Variants in IGSF21 observed in about 807,000 individuals in gnomAD.
IGSF21 encodes the protein immunoglobulin superfamily member 21.
IGSF21 carries 28 observed loss-of-function variants against 46.8 expected under a neutral mutation model. The observed-to-expected ratio is 0.60, with a 90% CI of 0.44 to 0.82. The LOEUF (loss-of-function observed/expected upper bound fraction) is 0.82, where lower values mean the gene tolerates loss of function less well. Among genes scored for constraint, IGSF21 ranks in the 40% least tolerant of loss-of-function variants. The pLI is 0.00. For missense variants in IGSF21, 624 were observed against 665.5 expected, an observed-to-expected ratio of 0.94 and a Z score of 0.69; for synonymous variants, 284 against 273.6, an observed-to-expected ratio of 1.04 and a Z score of -0.38.
intron 1 of IGSF21, among the ~76,000 whole-genome samples, chr1:18,138,243 A>C (rs1052250652): frequency 6.6e-6 from 1 of 152,160 alleles, no homozygotes; most frequent in African/African-American, 2.4e-5. Flanking sequence ...CATCGAGGAA[A>C]TATAATAATC....
chr1:18,298,119 T>G (rs1438080992), intron 3 of IGSF21, among the ~76,000 whole-genome samples: 1 of 152,082 alleles, frequency 6.6e-6, no homozygotes, highest in Admixed American at 6.5e-5. Flanking sequence ...ATCTGGGAGC[T>G]GACAGAGGGC....
At chr1:18,183,005 G>T (rs1222806023) in intron 1 of IGSF21, among the ~76,000 whole-genome samples, 1 of 152,174 alleles carries the variant, frequency 6.6e-6, no homozygotes, top group Admixed American at 6.5e-5. Flanking sequence ...GCTGCAAACT[G>T]GCTGCCCAGG....
intron 1 of IGSF21, among the ~76,000 whole-genome samples, chr1:18,184,723 A>G (rs1033805811): frequency 2.0e-5 from 3 of 152,036 alleles, no homozygotes; most frequent in African/African-American, 7.2e-5. Context: ...TGGGTGGTTG[A>G]TGACGTGCAC....
chr1:18,215,145 T>A lies in IGSF21; in HGVS notation c.71-12753T>A, dbSNP rs1045760726. 2.0e-5 allele frequency among the ~76,000 whole-genome samples: 3 copies of A among 152,118 alleles called. No individual in the cohort carries two copies. In the South Asian group the frequency reaches 6.2e-4, roughly 32 times the overall value. Reference sequence around the variant, plus strand: ...ATCCAGTCACCTCCCACCAGATCCCTCCCCTGACACGTGGGGATTACAATT... The same window carrying A: ...ATCCAGTCACCTCCCACCAGATCCCACCCCTGACACGTGGGGATTACAATT... On this transcript the variant is annotated intron_variant, in intron 1 of 9. Transcript: ENST00000251296.
intron 2 of IGSF21, 74 bp downstream of exon 2, chr1:18,228,084 C>A: frequency 8.5e-7 from 1 of 1,173,284 alleles, no homozygotes; most frequent in East Asian, 2.4e-5. Flanking sequence ...CTCTGGACAC[C>A]CTCACTGGTG....
At chr1:18,358,894 T>C (rs1401387254) in intron 4 of IGSF21, among the ~76,000 whole-genome samples, 1 of 152,194 alleles carries the variant, frequency 6.6e-6, no homozygotes, top group Admixed American at 6.5e-5. Flanking sequence ...CCCTTATTTA[T>C]AGTCATACAC....
intron 1 of IGSF21, among the ~76,000 whole-genome samples, chr1:18,137,668 C>T (rs543821751): frequency 6.6e-6 from 1 of 152,258 alleles, no homozygotes; most frequent in African/African-American, 2.4e-5. Context: ...AAGTTCATAA[C>T]TCTAATATAT....
intron 2 of IGSF21, among the ~76,000 whole-genome samples, chr1:18,233,747 G>C (rs1288762931): frequency 6.6e-6 from 1 of 152,096 alleles, no homozygotes; most frequent in African/African-American, 2.4e-5. Flanking sequence ...CCTACCACCT[G>C]CATTCCCAAG....
chr1:18,142,611 G>C (rs1224032425), intron 1 of IGSF21, among the ~76,000 whole-genome samples: 7 of 152,200 alleles, frequency 4.6e-5, no homozygotes, highest in Admixed American at 4.6e-4. Context: ...CTGAGAAGGA[G>C]CCGGGCTCTG....
chr1:18,263,136 AG>A (rs1399983401), intron 2 of IGSF21, among the ~76,000 whole-genome samples: 1 of 152,184 alleles, frequency 6.6e-6, no homozygotes, highest in African/African-American at 2.4e-5. Context: ...GAAAATACGG[AG>A]GGCCACTTGG....
intron 3 of IGSF21, among the ~76,000 whole-genome samples, chr1:18,301,652 A>G (rs1212715403): frequency 6.6e-6 from 1 of 152,166 alleles, no homozygotes; most frequent in Non-Finnish European, 1.5e-5. Context: ...AACAAACAGT[A>G]ATTGATGCCC....
chr1:18,260,819 T>C (rs964477412), intron 2 of IGSF21, among the ~76,000 whole-genome samples: 1 of 152,050 alleles, frequency 6.6e-6, no homozygotes, highest in Admixed American at 6.6e-5. Context: ...GCCTCTGGAG[T>C]CCAGTCCCAC....
At chr1:18,374,809 T>A (rs1414426531) in intron 6 of IGSF21, among the ~76,000 whole-genome samples, 1 of 152,020 alleles carries the variant, frequency 6.6e-6, no homozygotes, top group Non-Finnish European at 1.5e-5. Flanking sequence ...CAAGGAAAGG[T>A]GGGGGTAATC....
At chr1:18,328,518 G>A (rs1353668255) in intron 3 of IGSF21, among the ~76,000 whole-genome samples, 1 of 152,176 alleles carries the variant, frequency 6.6e-6, no homozygotes, top group East Asian at 1.9e-4. Flanking sequence ...TGTTTTGTCT[G>A]TCTTGTTCCC....
chr1:18,219,891 AC>A (rs1205815672), intron 1 of IGSF21, among the ~76,000 whole-genome samples: 1 of 152,142 alleles, frequency 6.6e-6, no homozygotes, highest in Non-Finnish European at 1.5e-5. Context: ...AGCATGAAGA[AC>A]CACACCCTCA....
chr1:18,148,483 C>G (rs577434583), intron 1 of IGSF21, among the ~76,000 whole-genome samples: 5 of 152,288 alleles, frequency 3.3e-5, no homozygotes, highest in African/African-American at 9.6e-5. Context: ...AACACTGAAG[C>G]CCGGAGAAGC....
chr1:18,376,726 C>A, intron 7 of IGSF21, 74 bp from the exon 8 acceptor site: 3 of 1,409,898 alleles, frequency 2.1e-6, no homozygotes, highest in South Asian at 1.3e-5. Flanking sequence ...CCTGGCCAGG[C>A]AGCCCCTGAC....
intron 2 of IGSF21, among the ~76,000 whole-genome samples, chr1:18,268,310 C>G (rs1390774315): frequency 6.6e-6 from 1 of 152,256 alleles, no homozygotes; most frequent in East Asian, 1.9e-4. Context: ...TACTGACCCA[C>G]AGGGCAGGGC....
At chr1:18,163,743 G>A (rs970431459) in intron 1 of IGSF21, among the ~76,000 whole-genome samples, 3 of 152,162 alleles carry the variant, frequency 2.0e-5, no homozygotes, top group African/African-American at 7.2e-5. Context: ...GCGCCTCTTT[G>A]GGGTGGGAGA....
Sources: gnomAD v4.1 joint callset for allele counts (sites outside exome capture counted in the v4.1 genomes callset) on GRCh38, gnomAD v4.1.1 for gene constraint, MANE v1.5 for transcripts, NCBI Gene and HGNC (gene_info 2026-07-23, HGNC 2026-07-21) for gene names.